TNR: variants seen among roughly 807,000 people sequenced by gnomAD.
The protein encoded by TNR is tenascin-R.
In TNR, 45 loss-of-function variants were observed where a neutral mutation model predicts 150.4. The ratio of observed to expected loss-of-function variants is 0.30; its 90% CI spans 0.24 to 0.38. The LOEUF is 0.38. Among genes scored for constraint, TNR ranks in the 10% least tolerant of loss-of-function variants. The pLI is 1.00. For missense variants in TNR, 1,544 were observed against 1,759.1 expected (o/e 0.88, Z 2.19); for synonymous variants, 687 against 678.4 (o/e 1.01, Z -0.20).
At chr1:175,665,209 G>A (rs1324414216) in intron 1 of TNR, among the ~76,000 whole-genome samples, 1 of 152,178 alleles carries the variant, frequency 6.6e-6, no homozygotes, top group African/African-American at 2.4e-5. Context: ...GCACTTTGGG[G>A]ATTTTATTTA....
At chr1:175,587,877 T>A (rs1159956106) in intron 1 of TNR, among the ~76,000 whole-genome samples, 2 of 152,182 alleles carry the variant, frequency 1.3e-5, no homozygotes, top group Non-Finnish European at 2.9e-5. Flanking sequence ...TCCATTCCCA[T>A]GTAACCACTA....
intron 9 of TNR, among the ~76,000 whole-genome samples, chr1:175,369,557 AG>A (rs1651998962): frequency 6.6e-6 from 1 of 152,180 alleles, no homozygotes; most frequent in Admixed American, 6.6e-5. Flanking sequence ...TTTGGAAATA[AG>A]GGTTTGGGGT....
chr1:175,673,375 C>A (rs1021598834), intron 1 of TNR, among the ~76,000 whole-genome samples: 1 of 152,198 alleles, frequency 6.6e-6, no homozygotes, highest in South Asian at 2.1e-4. Context: ...GGATCCTGCC[C>A]TTCAGGGGTT....
At chr1:175,650,872 T>TACA (rs1391172390) in intron 1 of TNR, among the ~76,000 whole-genome samples, 3 of 86,450 alleles carry the variant, frequency 3.5e-5, no homozygotes, top group African/African-American at 9.8e-5. Flanking sequence ...ACCTCATTCC[T>TACA]CCTCCTCCCC....
chr1:175,444,855 G>T (rs1483930980), intron 2 of TNR, among the ~76,000 whole-genome samples: 1 of 152,182 alleles, frequency 6.6e-6, no homozygotes, highest in African/African-American at 2.4e-5. Context: ...GAGAGTATGG[G>T]GACAGAGGAA....
intron 2 of TNR, among the ~76,000 whole-genome samples, chr1:175,419,208 G>T (rs1398017499): frequency 6.6e-6 from 1 of 152,020 alleles, no homozygotes; most frequent in Non-Finnish European, 1.5e-5. Flanking sequence ...TTGTTAAAAG[G>T]GGTGCCAATG....
At chr1:175,574,984 G>A in intron 1 of TNR, among the ~76,000 whole-genome samples, 1 of 152,232 alleles carries the variant, frequency 6.6e-6, no homozygotes. Flanking sequence ...ATGGAATTTA[G>A]TAACTAAGCA....
At chr1:175,473,489 C>T (rs751278095) in intron 2 of TNR, among the ~76,000 whole-genome samples, 6 of 152,176 alleles carry the variant, frequency 3.9e-5, no homozygotes, top group Non-Finnish European at 8.8e-5. Context: ...AACTCAGGTC[C>T]TCTCTTAGGG....
At chr1:175,696,281 G>T (rs115613830) in intron 1 of TNR, among the ~76,000 whole-genome samples, 3,698 of 142,838 alleles carry the variant, frequency 0.026, 163 homozygotes, top group African/African-American at 0.091. Context: ...CAGATAAAAG[G>T]GTAAAGCCCC....
chr1:175,391,233 T>C lies in TNR; in HGVS notation c.1507+55A>G, dbSNP rs559428466. 2.1e-4 allele frequency: 334 copies of C among 1,591,094 alleles called. 1 individual carries two copies. The highest frequency in any genetic ancestry group is 1.1e-3 in the Middle Eastern group (5 of 4,498). On this transcript the variant is annotated intron_variant, in intron 7 of 22. Transcript: ENST00000367674. Reference sequence around the variant, plus strand: ...TCCACTCCTTGGGCAATTCTGTGGTTCTTTTCCAAGTGACCTAGTAGGCAG... The same window carrying C: ...TCCACTCCTTGGGCAATTCTGTGGTCCTTTTCCAAGTGACCTAGTAGGCAG...
rs756995159 is a variant in TNR at position 175,403,375 on chromosome 1, G to A, written c.741C>T (p.Asp247=). 39 of 1,613,896 alleles carry A rather than the reference G, an allele frequency of 2.4e-5. No individual in the cohort carries two copies. Among genetic ancestry groups the A allele is most frequent in the Middle Eastern group, 1.6e-4 (1 of 6,084 alleles). ...AGGGCTCTTCACAGACACACTCCCC[G>A]TCCACGCAGAGCCCCCGGGAGCTGC... ...TDCSSRGLCV[D]GECVCEEPYT... is the part of the protein sequence containing the mutation. The change falls in exon 4 of 23, where the codon GAC becomes GAT. Residue 247 remains aspartate, a synonymous_variant. Transcript: ENST00000367674.
chr1:175,702,293 C>G (rs1481846803), intron 1 of TNR, among the ~76,000 whole-genome samples: 1 of 152,160 alleles, frequency 6.6e-6, no homozygotes, highest in Non-Finnish European at 1.5e-5. Flanking sequence ...GCCCCACCCA[C>G]TGAGACGCCT....
chr1:175,499,276 A>G (rs868146317), intron 2 of TNR, among the ~76,000 whole-genome samples: 69 of 152,362 alleles, frequency 4.5e-4, no homozygotes, highest in African/African-American at 1.6e-3. Flanking sequence ...CCTCGTGAGT[A>G]ATAATAATAA....
intron 1 of TNR, among the ~76,000 whole-genome samples, chr1:175,546,448 C>T (rs1660692041): frequency 6.6e-6 from 1 of 152,196 alleles, no homozygotes; most frequent in Admixed American, 6.5e-5. Context: ...TTAAAGATGT[C>T]TTCTGTCCAC....
intron 8 of TNR, among the ~76,000 whole-genome samples, chr1:175,381,901 T>C (rs183401552): frequency 1.3e-5 from 2 of 152,346 alleles, no homozygotes; most frequent in Admixed American, 6.5e-5. Context: ...GCTCTAGCTA[T>C]ATTGCTTTTT....
rs1376799050 is a variant in TNR, at chr1:175,406,682, C to T, written c.33G>A (p.Lys11=). ...TCAGGTTGATGCCAATGAGCATGTT[C>T]TTCAGAACCACTGTTTCCCCATCTG... is the stretch of plus-strand genomic sequence containing the variant. MGADGETVVL[K]NMLIGINLIL... Residue 11 remains lysine, a synonymous_variant, in exon 3 of 23, where the codon AAG becomes AAA. Transcript: ENST00000367674. 1.4e-5 allele frequency: 23 copies of T among 1,614,198 alleles called. No individual in the cohort carries two copies. The highest frequency in any genetic ancestry group is 1.9e-5 in the Non-Finnish European group (23 of 1,180,030).
At chr1:175,557,951 G>T (rs1454226379) in intron 1 of TNR, among the ~76,000 whole-genome samples, 3 of 103,902 alleles carry the variant, frequency 2.9e-5, no homozygotes, top group African/African-American at 1.1e-4. Flanking sequence ...CATAAAAAAT[G>T]ATGAGTTCGT....
At chr1:175,396,111 A>T (rs1653413735) in intron 5 of TNR, among the ~76,000 whole-genome samples, 1 of 152,130 alleles carries the variant, frequency 6.6e-6, no homozygotes, top group Non-Finnish European at 1.5e-5. Context: ...TTTAAATAAG[A>T]TTTTTTTCTC....
intron 2 of TNR, among the ~76,000 whole-genome samples, chr1:175,504,679 C>T (rs531503809): frequency 1.3e-5 from 2 of 152,264 alleles, no homozygotes; most frequent in East Asian, 1.9e-4. Context: ...AGCCCCCGGC[C>T]TTCCATAAGG....
Sources: gnomAD v4.1 joint callset for allele counts (sites outside exome capture counted in the v4.1 genomes callset) on GRCh38, gnomAD v4.1.1 for gene constraint, MANE v1.5 for transcripts, NCBI Gene and HGNC (gene_info 2026-07-23, HGNC 2026-07-21) for gene names.